The following CPVL variants were observed in gnomAD, a reference collection of about 807,000 sequenced individuals.
CPVL encodes the protein carboxypeptidase vitellogenic like, also known as probable serine carboxypeptidase CPVL.
In CPVL, 51 loss-of-function variants were observed where a neutral mutation model predicts 63.7. That is an observed-to-expected ratio of 0.80 (90% CI 0.64 to 1.01). The LOEUF (loss-of-function observed/expected upper bound fraction) is 1.01, where lower values mean the gene tolerates loss of function less well. Among genes scored for constraint, CPVL ranks in the 50% least tolerant of loss-of-function variants. The pLI, the probability that CPVL is intolerant of heterozygous loss-of-function variation, is 0.00. For missense variants in CPVL, 530 were observed against 573.1 expected (o/e 0.92, Z 0.77); for synonymous variants, 195 against 206.0 (o/e 0.95, Z 0.46).
At chr7:29,149,552 A>G (rs933464680), upstream of CPVL, among the ~76,000 whole-genome samples, 1 of 152,198 alleles carries the variant, frequency 6.6e-6, no homozygotes, top group Non-Finnish European at 1.5e-5. Flanking sequence ...ACAGAACAGA[A>G]TAGAACCATA....
At chr7:29,008,232 G>A (rs1785406466) in intron 12 of CPVL, among the ~76,000 whole-genome samples, 1 of 151,966 alleles carries the variant, frequency 6.6e-6, no homozygotes, top group Non-Finnish European at 1.5e-5. Context: ...GGAGGGAGAG[G>A]GTAAGAGTTA....
intron 12 of CPVL, chr7:29,001,136 T>C (rs1784589146): frequency 6.6e-6 from 1 of 152,032 alleles, no homozygotes; most frequent in Admixed American, 6.6e-5. Context: ...ATAAAATCAG[T>C]GATTAATCCG....
intron 11 of CPVL, among the ~76,000 whole-genome samples, chr7:29,037,552 C>CAAA (rs35631871): frequency 6.8e-4 from 38 of 55,710 alleles, no homozygotes; most frequent in African/African-American, 8.2e-4. Flanking sequence ...GACTCCATCT[C>CAAA]AAAAAAAAAA....
chr7:29,086,459 A>G, intron 7 of CPVL, 25 bp downstream of exon 7: 1 of 1,549,818 alleles, frequency 6.5e-7, no homozygotes, highest in South Asian at 1.1e-5. Context: ...TTTGAAGCAC[A>G]CAAGGAAACG....
chr7:29,054,299 T>A (rs1790495097), intron 11 of CPVL, among the ~76,000 whole-genome samples: 1 of 152,218 alleles, frequency 6.6e-6, no homozygotes, highest in Non-Finnish European at 1.5e-5. Context: ...CCTAAATATA[T>A]TCTTTAGAAG....
intron 3 of CPVL, among the ~76,000 whole-genome samples, chr7:29,106,874 T>G (rs545397646): frequency 6.6e-6 from 1 of 152,314 alleles, no homozygotes; most frequent in South Asian, 2.1e-4. Context: ...ACAACAATAA[T>G]AATTTTTGAT....
At chr7:29,089,642 T>A (rs995617545) in intron 6 of CPVL, among the ~76,000 whole-genome samples, 2 of 152,150 alleles carry the variant, frequency 1.3e-5, no homozygotes, top group African/African-American at 4.8e-5. Flanking sequence ...TCCATGGCAA[T>A]GACCCAAAGA....
At chr7:29,088,780 T>C (rs1785470799) in intron 6 of CPVL, among the ~76,000 whole-genome samples, 1 of 152,060 alleles carries the variant, frequency 6.6e-6, no homozygotes, top group Admixed American at 6.5e-5. Flanking sequence ...ATTGAGACCA[T>C]TCTGGCCAAC....
chr7:29,006,042 G>A (rs75141911), intron 12 of CPVL, among the ~76,000 whole-genome samples: 1,972 of 152,238 alleles, frequency 0.013, 44 homozygotes, highest in African/African-American at 0.044. Flanking sequence ...AACAAGAGCC[G>A]GCTAACCTGC....
chr7:29,168,668 C>T (rs1362969824), intron 5 of CPVL, among the ~76,000 whole-genome samples: 1 of 152,212 alleles, frequency 6.6e-6, no homozygotes, highest in Non-Finnish European at 1.5e-5. Flanking sequence ...CCCTCTTCCC[C>T]CTCAAACCTC....
At chr7:29,079,189 C>G (rs757998369) in intron 7 of CPVL, among the ~76,000 whole-genome samples, 2 of 152,122 alleles carry the variant, frequency 1.3e-5, no homozygotes, top group Non-Finnish European at 2.9e-5. Flanking sequence ...AGGTTAATAA[C>G]CTTAGAGATT....
At chr7:29,088,435 T>C (rs1229910231) in intron 6 of CPVL, among the ~76,000 whole-genome samples, 1 of 150,760 alleles carries the variant, frequency 6.6e-6, no homozygotes, top group Non-Finnish European at 1.5e-5. Context: ...AATTTCAGTT[T>C]TTATTTCACA....
At chr7:29,037,855 G>T (rs939411352) in intron 11 of CPVL, among the ~76,000 whole-genome samples, 3 of 152,124 alleles carry the variant, frequency 2.0e-5, no homozygotes, top group Non-Finnish European at 4.4e-5. Context: ...TGTGCTCACT[G>T]AGTGATCTTG....
At position 29,095,188 on chromosome 7, in the gene CPVL, T is replaced by C. The variant is rs896023728; in HGVS notation, c.404-46A>G. The C allele has an allele frequency of 8.5e-6, 13 of 1,535,098 alleles. 1 individual carries two copies. The highest frequency in any genetic ancestry group is 3.3e-5 in the Admixed American group (2 of 59,862). ...GGTGAGATAGAGTCGTGGACAAGCA[T>C]TCCACCGAGGCCTCATGGTGGTCAG... On this transcript the variant is annotated intron_variant, in intron 4 of 12. Transcript: ENST00000265394.
rs1791616027 is a variant in CPVL, at chr7:29,139,524, C to T, written c.-11+6905G>A. Among the ~76,000 whole-genome samples the T allele has an allele frequency of 3.0e-5, 4 of 135,006 alleles. No homozygotes were observed. In the Admixed American group the frequency reaches 3.0e-4, roughly 10 times the overall value. The allele number at this position is 135,006 out of a possible 152,430, so 88.6% of individuals were successfully genotyped here. Reference sequence around the variant, plus strand: ...GACAACCTAAGAAACCTAAGAAAGGCTATTCTTGGGGGGGCAGGGGGGCTA... The same window carrying T: ...GACAACCTAAGAAACCTAAGAAAGGTTATTCTTGGGGGGGCAGGGGGGCTA... On this transcript the variant is annotated intron_variant, in intron 1 of 12. Coordinates refer to ENST00000265394, the MANE Select transcript of CPVL (RefSeq NM_031311.5).
At chr7:28,998,555 G>A (rs1784310995) in intron 12 of CPVL, among the ~76,000 whole-genome samples, 1 of 152,212 alleles carries the variant, frequency 6.6e-6, no homozygotes, top group Non-Finnish European at 1.5e-5. Flanking sequence ...GTTGTGTGAG[G>A]AGTTAGTGGA....
chr7:29,036,822 A>G (rs1375907758), intron 11 of CPVL, among the ~76,000 whole-genome samples: 1 of 152,196 alleles, frequency 6.6e-6, no homozygotes, highest in Admixed American at 6.5e-5. Context: ...TGTTCCAGGA[A>G]CTGTGCTAAG....
chr7:29,009,187 T>TAAAAAAAA (rs3042205), intron 12 of CPVL: 19 of 105,178 alleles, frequency 1.8e-4, no homozygotes, highest in East Asian at 5.8e-4. Context: ...TTGATGGCAT[T>TAAAAAAAA]AAAAAAAAAA....
chr7:29,064,687 G>A, intron 10 of CPVL, among the ~76,000 whole-genome samples: 1 of 152,038 alleles, frequency 6.6e-6, no homozygotes, highest in Non-Finnish European at 1.5e-5. Flanking sequence ...TCTGTGTTCT[G>A]CTGTTTATTA....
Sources: gnomAD v4.1 joint callset for allele counts (sites outside exome capture counted in the v4.1 genomes callset) on GRCh38, gnomAD v4.1.1 for gene constraint, MANE v1.5 for transcripts, NCBI Gene and HGNC (gene_info 2026-07-23, HGNC 2026-07-21) for gene names.